MTHFD1: variants seen among roughly 807,000 people sequenced by gnomAD.
MTHFD1 encodes the protein C-1-tetrahydrofolate synthase, cytoplasmic.
MTHFD1 carries 44 observed loss-of-function variants against 110.3 expected under a neutral mutation model. The observed-to-expected ratio is 0.40, with a 90% CI of 0.31 to 0.51. The LOEUF (loss-of-function observed/expected upper bound fraction) is 0.51. Among genes scored for constraint, MTHFD1 ranks in the 20% least tolerant of loss-of-function variants. MTHFD1 has a pLI of 0.60. For missense variants in MTHFD1, 909 were observed against 1,173.1 expected, an observed-to-expected ratio of 0.77 and a Z score of 3.29; for synonymous variants, 402 against 428.8, an observed-to-expected ratio of 0.94 and a Z score of 0.77.
At chr14:64,437,219 C>T (rs183332253) in intron 16 of MTHFD1, among the ~76,000 whole-genome samples, 1 of 151,614 alleles carries the variant, frequency 6.6e-6, no homozygotes, top group African/African-American at 2.4e-5. Context: ...AAAAAAAAAC[C>T]CACAAAATAT....
In MTHFD1 at chr14:64,417,388, T is replaced by C. The variant is rs17751556; in HGVS notation, c.479-500T>C. 0.048 allele frequency among the ~76,000 whole-genome samples: 7,305 copies of C among 152,330 alleles called. 262 individuals are homozygous for C. The highest frequency in any genetic ancestry group is 0.075 in the Non-Finnish European group (5,102 of 68,024). ...TATCACTTCCCTGCAAGTAACCCTATGGCTCAGGCCCTAAGCCAAAAGAGA... is the reference window on the plus strand; with the variant it reads ...TATCACTTCCCTGCAAGTAACCCTACGGCTCAGGCCCTAAGCCAAAAGAGA... On this transcript the variant is annotated intron_variant, in intron 6 of 27. Coordinates refer to ENST00000652337, the MANE Select transcript of MTHFD1 (RefSeq NM_005956.4). The surrounding 1 kb of genome is among the most constrained non-coding windows in gnomAD (Gnocchi z 4.4).
chr14:64,397,166 TATATATATATATATATATATATATAAA>T (rs1412640949), intron 1 of MTHFD1, among the ~76,000 whole-genome samples: 1 of 17,684 alleles, frequency 5.7e-5, no homozygotes, highest in African/African-American at 3.0e-4. Flanking sequence ...TATATATATA[TATATATATATATATATATATATATAAA>T]AAACAGTAAT....
chr14:64,429,081 C>G (rs1206443661), intron 12 of MTHFD1, among the ~76,000 whole-genome samples: 1 of 150,818 alleles, frequency 6.6e-6, no homozygotes, highest in Non-Finnish European at 1.5e-5. Context: ...AAAATCCCAG[C>G]ACTTTGGGAG....
At chr14:64,453,665 G>A (rs1352006901) in intron 24 of MTHFD1, 89 bp from the exon 25 acceptor site, 5 of 773,258 alleles carry the variant, frequency 6.5e-6, no homozygotes, top group Non-Finnish European at 9.2e-6. Context: ...CCCCTTTTAG[G>A]GACTCTGACC....
At chr14:64,414,269 C>T (rs1328877469) in intron 4 of MTHFD1, among the ~76,000 whole-genome samples, 2 of 148,306 alleles carry the variant, frequency 1.3e-5, no homozygotes, top group Admixed American at 6.9e-5. Context: ...AGGCGTGAGC[C>T]ACCGCACCTG....
In MTHFD1 at chr14:64,408,064, G is replaced by A. The variant is rs962390400; in HGVS notation, c.127-3026G>A. On this transcript the variant is annotated intron_variant, in intron 2 of 27. Transcript: ENST00000652337. ...AACACAGATTAGTAAACTGTGGCCC[G>A]TATCCAAATGCTGCCCAGTTTATAA... Among the ~76,000 whole-genome samples, 6 of 151,940 alleles carry A rather than the reference G, an allele frequency of 3.9e-5. No individual in the cohort carries two copies. The South Asian group carries it at 6.2e-4, about 16-fold the overall frequency.
Position 64,417,680 on chromosome 14 carries a change from C to T in MTHFD1, c.479-208C>T, listed in dbSNP as rs1345988591. Among the ~76,000 whole-genome samples the T allele has an allele frequency of 1.3e-5, 2 of 152,174 alleles. No homozygotes were observed. Among genetic ancestry groups the T allele is most frequent in the African/African-American group, 4.8e-5 (2 of 41,438 alleles). ...GGCTTAAGCTGCTCCCAAAAACCCA[C>T]GGCCAGAAGGACACAAGTACAAGTC... On this transcript the variant is annotated intron_variant, in intron 6 of 27. Coordinates refer to ENST00000652337, the MANE Select transcript of MTHFD1 (RefSeq NM_005956.4). The surrounding 1 kb of genome is among the most constrained non-coding windows in gnomAD (Gnocchi z 4.4).
chr14:64,410,939 C>A, intron 2 of MTHFD1, 151 bp from the exon 3 acceptor site: 3 of 680,322 alleles, frequency 4.4e-6, no homozygotes, highest in South Asian at 1.6e-5. Flanking sequence ...ATCCCTCCTG[C>A]CCCCACAGCC....
rs565206627 is a variant in MTHFD1, at chr14:64,454,839, C to T, written c.2682C>T (p.Ser894=). ...FILPIRDIRA[S]VGAGFLYPLV... is the part of the protein sequence containing the mutation. ...TGCCCATTCGCGACATCCGCGCCAG[C>T]GTTGGGGCTGGTTTTCTGTACCCCT... The change falls in exon 26 of 28, where the codon AGC becomes AGT. Residue 894 remains serine (S), a synonymous_variant. Transcript: ENST00000652337. 4.6e-5 allele frequency: 75 copies of T among 1,614,196 alleles called. No individual in the cohort carries two copies. Among genetic ancestry groups the T allele is most frequent in the Non-Finnish European group, 5.6e-5 (66 of 1,180,024 alleles).
At chr14:64,452,023 G>A (rs961604273) in intron 24 of MTHFD1, among the ~76,000 whole-genome samples, 7 of 152,248 alleles carry the variant, frequency 4.6e-5, no homozygotes, top group African/African-American at 1.2e-4. Flanking sequence ...TTGGCTGGGC[G>A]CTGTGGTCAC....
chr14:64,434,873 G>T (rs2078191465), intron 15 of MTHFD1, among the ~76,000 whole-genome samples: 1 of 145,646 alleles, frequency 6.9e-6, no homozygotes, highest in Non-Finnish European at 1.5e-5. Context: ...AGGCTGTAGT[G>T]CAGTGGCACA....
intron 22 of MTHFD1, among the ~76,000 whole-genome samples, chr14:64,447,054 G>A (rs926091214): frequency 6.6e-6 from 1 of 151,796 alleles, no homozygotes; most frequent in Non-Finnish European, 1.5e-5. Flanking sequence ...TGCCCAGGCA[G>A]GCTGCTGTCG....
rs150568035 is a variant in MTHFD1, at chr14:64,453,526, G to A, written c.2458-228G>A. Among the ~76,000 whole-genome samples, 1,251 of 152,206 alleles carry A rather than the reference G, an allele frequency of 8.2e-3. 10 individuals carry two copies. Among genetic ancestry groups the A allele is most frequent in the Non-Finnish European group, 9.9e-3 (672 of 68,000 alleles). Reference sequence around the variant, plus strand: ...GCAGGGGTTACAGTGAACTGAGATCGCGCCATTGCACTCCAGCCTGGCAAC... The same window carrying A: ...GCAGGGGTTACAGTGAACTGAGATCACGCCATTGCACTCCAGCCTGGCAAC... On this transcript the variant is annotated intron_variant, in intron 24 of 27. Transcript: ENST00000652337.
chr14:64,456,742 TG>T (rs372471219), intron 26 of MTHFD1, among the ~76,000 whole-genome samples: 74 of 152,342 alleles, frequency 4.9e-4, no homozygotes, highest in African/African-American at 1.7e-3. Flanking sequence ...ATAAACCAGT[TG>T]TCAGATCCCT....
intron 16 of MTHFD1, among the ~76,000 whole-genome samples, chr14:64,436,188 A>G (rs985176165): frequency 6.6e-6 from 1 of 151,664 alleles, no homozygotes; most frequent in African/African-American, 2.4e-5. Flanking sequence ...TCTGCCTCCC[A>G]GGTTCACGCC....
chr14:64,441,382 T>C lies in MTHFD1; in HGVS notation c.1816-3T>C. 6.2e-7 allele frequency: 1 copy of C among 1,613,944 alleles called. No homozygotes were observed. Among genetic ancestry groups the C allele is most frequent in the South Asian group, 1.1e-5 (1 of 91,084 alleles). On this transcript the variant is annotated splice_polypyrimidine_tract_variant and splice_region_variant and intron_variant, in intron 18 of 27. Transcript: ENST00000652337. ...GTTGATGCTGCACACATTTGTTTTG[T>C]AGGGGGTGAGTGGTGCACTGACAGT...
chr14:64,445,007 T>C (rs149531515), intron 22 of MTHFD1: 26 of 486,444 alleles, frequency 5.3e-5, no homozygotes, highest in Non-Finnish European at 9.5e-5. Context: ...CCGGGGACAT[T>C]TGGCAATGTC....
intron 27 of MTHFD1, 128 bp downstream of exon 27, chr14:64,458,435 C>A: frequency 1.3e-6 from 1 of 746,302 alleles, no homozygotes; most frequent in East Asian, 2.6e-5. Flanking sequence ...TCAGACTTCC[C>A]TGAGGGGAGA....
In MTHFD1 at chr14:64,427,392, C is replaced by G; in HGVS notation, c.1183C>G (p.Gln395Glu). Residue 395 changes from glutamine to glutamate, a missense_variant, in exon 12 of 28, where the codon CAA becomes GAA. By Grantham distance (29) the Gln-to-Glu change is conservative (BLOSUM62 2). Around this residue, in one of 3 missense-constraint regions of MTHFD1, gnomAD observed 424 missense variants for 510.4 expected, o/e 0.83. Transcript: ENST00000652337. ...GKSTTTIGLV[Q>E]ALGAHLYQNV... ...AAGCACAACTACAATCGGGCTAGTG[C>G]AAGCCCTTGGTGCCCATCTCTACCA... 2 of 1,614,188 alleles carry G rather than the reference C, an allele frequency of 1.2e-6. No individual in the cohort carries two copies. The highest frequency in any genetic ancestry group is 8.5e-7 in the Non-Finnish European group (1 of 1,180,016).
Sources: gnomAD v4.1 joint callset for allele counts (sites outside exome capture counted in the v4.1 genomes callset) on GRCh38, gnomAD v4.1.1 for gene constraint, gnomAD v4.1.1 regional missense constraint, Gnocchi (gnomAD v3.1) non-coding constraint, MANE v1.5 for transcripts, NCBI Gene and HGNC (gene_info 2026-07-23, HGNC 2026-07-21) for gene names.